WDR70: variants seen among roughly 807,000 people sequenced by gnomAD.
WDR70 encodes WD repeat-containing protein 70.
WDR70 carries 53 observed loss-of-function variants against 88.6 expected under a neutral mutation model. The ratio of observed to expected loss-of-function variants is 0.60; its 90% CI spans 0.48 to 0.75. WDR70 has a LOEUF of 0.75. Ranked by LOEUF, WDR70 falls within the 30% of genes least tolerant of loss-of-function variation. The probability of loss-of-function intolerance (pLI) is 0.00; values close to 1 mark genes in which losing one functional copy is unlikely to be tolerated. For synonymous variants in WDR70, 280 were observed against 270.0 expected (o/e 1.04, Z -0.36); for missense variants, 610 against 823.2 (o/e 0.74, Z 3.17).
intron 10 of WDR70, among the ~76,000 whole-genome samples, chr5:37,612,019 G>A (rs750006557): frequency 2.0e-5 from 3 of 152,040 alleles, no homozygotes; most frequent in Non-Finnish European, 4.4e-5. Context: ...TTTCTGCAAA[G>A]ACTAATCATT....
intron 10 of WDR70, among the ~76,000 whole-genome samples, chr5:37,623,903 A>G (rs1040859822): frequency 6.6e-6 from 1 of 152,152 alleles, no homozygotes; most frequent in African/African-American, 2.4e-5. Context: ...ACAAGTAATA[A>G]TTATACATAT....
At chr5:37,456,849 A>G (rs1437819618) in intron 7 of WDR70, among the ~76,000 whole-genome samples, 1 of 152,232 alleles carries the variant, frequency 6.6e-6, no homozygotes, top group Non-Finnish European at 1.5e-5. Context: ...AAATAAAGAA[A>G]GGGATATTTG....
chr5:37,396,137 G>C (rs1749003504), intron 4 of WDR70, among the ~76,000 whole-genome samples: 1 of 151,992 alleles, frequency 6.6e-6, no homozygotes, highest in Non-Finnish European at 1.5e-5. Flanking sequence ...TCTAATGGCT[G>C]TCTAACATAT....
chr5:37,499,041 T>C (rs1281261050), intron 8 of WDR70, among the ~76,000 whole-genome samples: 1 of 152,190 alleles, frequency 6.6e-6, no homozygotes, highest in East Asian at 1.9e-4. Flanking sequence ...AATAGGTGTT[T>C]AGTGGGATCC....
chr5:37,547,560 C>T (rs1027071944), intron 9 of WDR70, among the ~76,000 whole-genome samples: 4 of 152,016 alleles, frequency 2.6e-5, no homozygotes, highest in Non-Finnish European at 5.9e-5. Context: ...TGTTTTGATA[C>T]AGATATACAA....
intron 7 of WDR70, among the ~76,000 whole-genome samples, chr5:37,459,322 T>G (rs1738927556): frequency 6.9e-6 from 1 of 145,930 alleles, no homozygotes; most frequent in Non-Finnish European, 1.5e-5. Context: ...GGGTGGAGAG[T>G]TCTGTAGATG....
intron 9 of WDR70, among the ~76,000 whole-genome samples, chr5:37,527,175 G>T (rs1160780118): frequency 6.6e-6 from 1 of 152,116 alleles, no homozygotes; most frequent in Non-Finnish European, 1.5e-5. Context: ...ACATTCCCAA[G>T]ATAATCCTAA....
chr5:37,410,190 T>C (rs1749479851), intron 5 of WDR70, among the ~76,000 whole-genome samples: 1 of 149,392 alleles, frequency 6.7e-6, no homozygotes, highest in East Asian at 1.9e-4. Context: ...TTGGAGTTTG[T>C]TAGTTTTTTT....
At chr5:37,455,070 T>C (rs907237434) in intron 7 of WDR70, among the ~76,000 whole-genome samples, 1 of 152,188 alleles carries the variant, frequency 6.6e-6, no homozygotes, top group Non-Finnish European at 1.5e-5. Flanking sequence ...ATAGCTCACC[T>C]AGTATTTATT....
chr5:37,692,667 C>A (rs879061932), intron 10 of WDR70, among the ~76,000 whole-genome samples: 1 of 152,098 alleles, frequency 6.6e-6, no homozygotes, highest in Admixed American at 6.5e-5. Context: ...ATTCAGCAGC[C>A]CTTCATGAGA....
In WDR70 at chr5:37,661,931, C is replaced by T. The variant is rs116041565; in HGVS notation, c.1093-35724C>T. Among the ~76,000 whole-genome samples, 708 of 152,264 alleles carry T rather than the reference C, an allele frequency of 4.6e-3. 14 individuals are homozygous for T. The highest frequency in any genetic ancestry group is 0.016 in the African/African-American group (685 of 41,538). On this transcript the variant is annotated intron_variant, in intron 10 of 17. Coordinates refer to ENST00000265107, the MANE Select transcript of WDR70 (RefSeq NM_018034.4). The stretch of plus-strand genomic sequence containing the variant: ...TAAACTGTAATTTCTAATCTTGTAA[C>T]TAATTTGTTAGTACTGCAAAGGCAG...
At position 37,676,937 on chromosome 5, in the gene WDR70, T is replaced by G. The variant is rs1383035127; in HGVS notation, c.1093-20718T>G. ...TCCTGTTATTGGTCTATTGAGAGAT[T>G]CAGCTTCTTCCTGGTTTAGTCTTGG... On this transcript the variant is annotated intron_variant, in intron 10 of 17. Coordinates refer to ENST00000265107, the MANE Select transcript of WDR70 (RefSeq NM_018034.4). Among the ~76,000 whole-genome samples, 13 of 152,230 alleles carry G rather than the reference T, an allele frequency of 8.5e-5. 1 individual carries two copies. Among genetic ancestry groups the G allele is most frequent in the Admixed American group, 6.5e-4 (10 of 15,290 alleles).
chr5:37,504,114 A>G (rs570625305), intron 8 of WDR70, among the ~76,000 whole-genome samples: 7 of 152,296 alleles, frequency 4.6e-5, no homozygotes, highest in African/African-American at 1.7e-4. Flanking sequence ...AGTATGAATA[A>G]TAGGTTGAGA....
chr5:37,554,678 GCACACACACACA>G (rs3068425), intron 9 of WDR70, among the ~76,000 whole-genome samples: 1 of 147,670 alleles, frequency 6.8e-6, no homozygotes, highest in Admixed American at 6.8e-5. Context: ...GCACCTGCAC[GCACACACACACA>G]CACACACACA....
chr5:37,427,314 G>A (rs142970286), intron 5 of WDR70, among the ~76,000 whole-genome samples: 18 of 151,856 alleles, frequency 1.2e-4, no homozygotes, highest in African/African-American at 4.1e-4. Context: ...GCATGAACCC[G>A]GGAGGCGGAG....
intron 17 of WDR70, among the ~76,000 whole-genome samples, chr5:37,738,215 A>T (rs1195019649): frequency 1.3e-5 from 2 of 152,164 alleles, no homozygotes; most frequent in Non-Finnish European, 2.9e-5. Flanking sequence ...AGTGTGTCAG[A>T]TTGAAAGTCA....
chr5:37,732,381 A>G lies in WDR70; in HGVS notation c.1877+5336A>G, dbSNP rs1748171918. On this transcript the variant is annotated intron_variant, in intron 17 of 17. Transcript: ENST00000265107. ...TTACTTTATGTACCTATTCAATTGT[A>G]TAGCTATATTGTACTTCTATAAAAA... Among the ~76,000 whole-genome samples, 2 of 152,152 alleles carry G rather than the reference A, an allele frequency of 1.3e-5. 1 individual carries two copies. The highest frequency in any genetic ancestry group is 4.1e-4 in the South Asian group (2 of 4,836).
At chr5:37,603,329 G>A (rs1247391319) in intron 9 of WDR70, among the ~76,000 whole-genome samples, 1 of 152,086 alleles carries the variant, frequency 6.6e-6, no homozygotes, top group Non-Finnish European at 1.5e-5. Context: ...GGTACTTACA[G>A]CCAATTGATT....
At chr5:37,683,939 C>T (rs1310187614) in intron 10 of WDR70, among the ~76,000 whole-genome samples, 1 of 152,030 alleles carries the variant, frequency 6.6e-6, no homozygotes, top group African/African-American at 2.4e-5. Flanking sequence ...ATATGTTTTC[C>T]AAGTTGTTTC....
Sources: gnomAD v4.1 joint callset for allele counts (sites outside exome capture counted in the v4.1 genomes callset) on GRCh38, gnomAD v4.1.1 for gene constraint, MANE v1.5 for transcripts, NCBI Gene and HGNC (gene_info 2026-07-23, HGNC 2026-07-21) for gene names.